The following FHIP1A variants were observed in gnomAD, a reference collection of about 807,000 sequenced individuals.
FHIP1A encodes FHF complex subunit HOOK-interacting protein 1A.
A neutral mutation model predicts 88.6 loss-of-function variants in FHIP1A; 61 were observed. The observed-to-expected ratio is 0.69, with a 90% confidence interval of 0.56 to 0.85. The LOEUF is 0.85. FHIP1A is among the 40% of genes least tolerant of loss of function. FHIP1A has a pLI of 0.00. For missense variants in FHIP1A, 1,154 were observed against 1,273.5 expected (o/e 0.91, Z 1.43); for synonymous variants, 478 against 496.0 (o/e 0.96, Z 0.48).
At chr4:151,514,292 A>G (rs1198930909) in intron 3 of FHIP1A, among the ~76,000 whole-genome samples, 1 of 152,084 alleles carries the variant, frequency 6.6e-6, no homozygotes, top group African/African-American at 2.4e-5. Context: ...TCTCTGGGAC[A>G]CATTCAAAGC....
At chr4:151,527,102 C>T (rs1442733666) in intron 3 of FHIP1A, among the ~76,000 whole-genome samples, 1 of 151,992 alleles carries the variant, frequency 6.6e-6, no homozygotes, top group Non-Finnish European at 1.5e-5. Flanking sequence ...CAGAGACGCT[C>T]CTCACTTCCC....
chr4:151,646,517 A>G (rs1222395014), intron 9 of FHIP1A, 41 bp from the exon 10 acceptor site: 4 of 1,431,758 alleles, frequency 2.8e-6, no homozygotes, highest in Non-Finnish European at 9.6e-7. Context: ...ATGGTTCAAG[A>G]CATTGCAGAG....
chr4:151,667,550 C>A lies in FHIP1A; in HGVS notation c.*4796C>A, dbSNP rs1404035741. The stretch of plus-strand genomic sequence containing the variant: ...GTTTTGGGACTACAGATTATCCTGG[C>A]AGCTCAATAACTGGATAAACAGGAC... On this transcript the variant is annotated 3_prime_UTR_variant, in exon 14 of 14. Coordinates refer to ENST00000435205, the MANE Select transcript of FHIP1A (RefSeq NM_001109977.3). Among the ~76,000 whole-genome samples the A allele has an allele frequency of 2.0e-5, 3 of 152,190 alleles. No homozygotes were observed. The highest frequency in any genetic ancestry group is 4.8e-5 in the African/African-American group (2 of 41,454).
At chr4:151,568,015 G>T (rs1309048255) in intron 4 of FHIP1A, among the ~76,000 whole-genome samples, 1 of 152,120 alleles carries the variant, frequency 6.6e-6, no homozygotes, top group African/African-American at 2.4e-5. Context: ...ACTTCCCAAA[G>T]ACATGATATA....
chr4:151,511,017 A>C (rs144384313), intron 3 of FHIP1A, among the ~76,000 whole-genome samples: 11 of 152,344 alleles, frequency 7.2e-5, no homozygotes, highest in African/African-American at 2.4e-4. Context: ...ATTGCAAAAC[A>C]ATATGGAAAT....
intron 13 of FHIP1A, among the ~76,000 whole-genome samples, chr4:151,662,300 T>C (rs568585992): frequency 9.2e-5 from 14 of 152,306 alleles, no homozygotes; most frequent in African/African-American, 3.4e-4. Flanking sequence ...TCAGATGCTA[T>C]ATGGTGGAGG....
chr4:151,453,692 A>T (rs1311547634), intron 1 of FHIP1A, among the ~76,000 whole-genome samples: 3 of 152,172 alleles, frequency 2.0e-5, no homozygotes, highest in Admixed American at 2.0e-4. Flanking sequence ...CTCTACTAAA[A>T]ACACAAATGC....
chr4:151,662,225 C>T (rs1192135207), intron 13 of FHIP1A, among the ~76,000 whole-genome samples: 1 of 152,210 alleles, frequency 6.6e-6, no homozygotes, highest in Non-Finnish European at 1.5e-5. Context: ...TCTTGACAAA[C>T]CTATATTCTT....
At position 151,577,948 on chromosome 4, in the gene FHIP1A, A is replaced by G. The variant is rs1733865959; in HGVS notation, c.604A>G (p.Ile202Val). 1 of 1,551,012 alleles carries G rather than the reference A, an allele frequency of 6.4e-7. No homozygotes were observed. Among genetic ancestry groups the G allele is most frequent in the Non-Finnish European group, 8.7e-7 (1 of 1,146,894 alleles). Residue 202 changes from isoleucine to valine, a missense_variant, in exon 5 of 14, where the codon ATT (isoleucine) becomes GTT (valine). Ile to Val is a conservative substitution (Grantham distance 29). Transcript: ENST00000435205. ...AANFLIFSLLIPFIHREGSVG... is the reference protein window; with the variant it reads ...AANFLIFSLLVPFIHREGSVG... ...CAACTTCCTCATCTTCTCCCTTCTG[A>G]TTCCCTTCATTCACCGAGAGGGGTC...
intron 7 of FHIP1A, 111 bp from the exon 8 acceptor site, chr4:151,629,591 C>T (rs1736073637): frequency 1.2e-6 from 1 of 868,730 alleles, no homozygotes; most frequent in Non-Finnish European, 1.8e-6. Context: ...CGTGGGCAGG[C>T]ATGTTCTTGC....
chr4:151,631,470 C>G (rs1340181740), intron 8 of FHIP1A, among the ~76,000 whole-genome samples: 1 of 152,024 alleles, frequency 6.6e-6, no homozygotes, highest in African/African-American at 2.4e-5. Flanking sequence ...AAGAACTACT[C>G]ACAAAGAAAA....
At chr4:151,577,365 T>G in intron 4 of FHIP1A, 85 bp from the exon 5 acceptor site, 1 of 1,346,816 alleles carries the variant, frequency 7.4e-7, no homozygotes, top group Non-Finnish European at 1.0e-6. Flanking sequence ...GCATTTTTGG[T>G]GACAATTTGG....
At chr4:151,632,429 T>G (rs1183719979) in intron 8 of FHIP1A, among the ~76,000 whole-genome samples, 1 of 151,832 alleles carries the variant, frequency 6.6e-6, no homozygotes, top group Non-Finnish European at 1.5e-5. Context: ...GATAAAAATA[T>G]CAGACAGAAG....
intron 3 of FHIP1A, among the ~76,000 whole-genome samples, chr4:151,504,402 T>C (rs1560735460): frequency 6.6e-6 from 1 of 152,126 alleles, no homozygotes; most frequent in Non-Finnish European, 1.5e-5. Flanking sequence ...ATTAAGCCAG[T>C]TATTTAAGTG....
Position 151,646,676 on chromosome 4 carries a change from G to A in FHIP1A, c.1345G>A (p.Gly449Arg), listed in dbSNP as rs372755280. 1.4e-5 allele frequency: 22 copies of A among 1,551,584 alleles called. No individual in the cohort carries two copies. The highest frequency in any genetic ancestry group is 4.1e-5 in the African/African-American group (3 of 73,154). ...CTTGACTCCTGTCTGCTGCTCCAGC[G>A]GGATCACTCTGACGCTGGGGAACCA... ...LALTPVCCSS[G>R]ITLTLGNQER... Residue 449 changes from glycine to arginine, a missense_variant, in exon 10 of 14, where the codon GGG becomes AGG. Gly to Arg is a moderately radical substitution (Grantham distance 125). Coordinates refer to ENST00000435205, the MANE Select transcript of FHIP1A (RefSeq NM_001109977.3).
chr4:151,642,861 GAT>G (rs994228602), intron 9 of FHIP1A, among the ~76,000 whole-genome samples: 3 of 150,148 alleles, frequency 2.0e-5, no homozygotes, highest in Non-Finnish European at 4.4e-5. Flanking sequence ...CAATATGTAT[GAT>G]ATATATATAT....
intron 1 of FHIP1A, among the ~76,000 whole-genome samples, chr4:151,438,396 A>G (rs1021943649): frequency 6.6e-6 from 1 of 152,082 alleles, no homozygotes. Context: ...CTAGTAACCT[A>G]GCGGGGCACC....
chr4:151,587,532 T>C (rs1416921257), intron 6 of FHIP1A, among the ~76,000 whole-genome samples: 2 of 151,880 alleles, frequency 1.3e-5, no homozygotes, highest in Non-Finnish European at 1.5e-5. Flanking sequence ...TTTTTATTAT[T>C]ATACTTTAAG....
chr4:151,531,609 G>A (rs562149082), intron 3 of FHIP1A, among the ~76,000 whole-genome samples: 1 of 151,932 alleles, frequency 6.6e-6, no homozygotes, highest in East Asian at 1.9e-4. Flanking sequence ...GATTAATAAT[G>A]TAAATGAAAA....
Sources: gnomAD v4.1 joint callset for allele counts (sites outside exome capture counted in the v4.1 genomes callset) on GRCh38, gnomAD v4.1.1 for gene constraint, MANE v1.5 for transcripts, NCBI Gene and HGNC (gene_info 2026-07-23, HGNC 2026-07-21) for gene names.